Variants in IL13RA1 observed in about 807,000 individuals in gnomAD.
IL13RA1 encodes the protein interleukin-13 receptor subunit alpha-1.
A neutral mutation model predicts 33.8 loss-of-function variants in IL13RA1; 14 were observed. The observed-to-expected ratio is 0.41, with a 90% confidence interval of 0.27 to 0.65. The LOEUF (loss-of-function observed/expected upper bound fraction) is 0.65, where lower values mean the gene tolerates loss of function less well. IL13RA1 is among the 30% of genes least tolerant of loss of function. IL13RA1 has a pLI of 0.28. For synonymous variants in IL13RA1, 116 were observed against 115.7 expected, an observed-to-expected ratio of 1.00 and a Z score of -0.02; for missense variants, 313 against 327.0, an observed-to-expected ratio of 0.96 and a Z score of 0.33.
intron 8 of IL13RA1, among the ~76,000 whole-genome samples, chrX:118,771,238 C>G (rs2017716193): frequency 9.8e-6 from 1 of 101,918 alleles, no homozygotes; most frequent in Non-Finnish European, 2.0e-5. Context: ...GATCAGGCAG[C>G]TGGCAAGTGG....
At chrX:118,770,054 C>G in intron 8 of IL13RA1, 1 of 249,875 alleles carries the variant, frequency 4.0e-6, no homozygotes, top group Non-Finnish European at 7.6e-6. Flanking sequence ...CTGTGTGCCA[C>G]TGCCCATCTG....
the IL13RA1 span, among the ~76,000 whole-genome samples, chrX:118,799,654 C>G: frequency 4.1e-3 from 428 of 103,158 alleles, no homozygotes; most frequent in Middle Eastern, 0.02. Flanking sequence ...CACTCTGTAT[C>G]TAGCTGCTCT....
intron 9 of IL13RA1, among the ~76,000 whole-genome samples, chrX:118,774,274 C>T (rs1306766658): frequency 4.6e-5 from 5 of 108,414 alleles, no homozygotes; most frequent in African/African-American, 1.0e-4. Context: ...CTCAGCCTCC[C>T]GAGTAGCTGC....
At chrX:118,779,294 A>G (rs2017816941) in intron 10 of IL13RA1, among the ~76,000 whole-genome samples, 1 of 111,664 alleles carries the variant, frequency 9.0e-6, no homozygotes. Context: ...TGATCCAACA[A>G]TGGCACAAGA....
rs1603212410 is a variant in IL13RA1 at position 118,753,970 on chromosome X, T to G, written c.489-4085T>G. Among the ~76,000 whole-genome samples the G allele has an allele frequency of 2.7e-5, 3 of 112,781 alleles. No individual in the cohort carries two copies. In the Admixed American group the frequency reaches 2.8e-4, roughly 11 times the overall value. On this transcript the variant is annotated intron_variant, in intron 4 of 10. Coordinates refer to ENST00000371666, the MANE Select transcript of IL13RA1 (RefSeq NM_001560.3). The stretch of plus-strand genomic sequence containing the variant: ...ATTAAAATTGAATCAAATTAAAACT[T>G]CAGTTGCATAGTCTCGCCAACCACT...
intron 6 of IL13RA1, among the ~76,000 whole-genome samples, chrX:118,764,958 T>C (rs770795793): frequency 8.9e-6 from 1 of 112,395 alleles, no homozygotes; most frequent in Non-Finnish European, 1.9e-5. Context: ...CAAATGATTT[T>C]TCACCTATGT....
chrX:118,783,453 C>G (rs111360101), intron 10 of IL13RA1, among the ~76,000 whole-genome samples: 68 of 111,620 alleles, frequency 6.1e-4, no homozygotes, highest in Admixed American at 1.4e-3. Context: ...TAGGAAAGAG[C>G]CATTGCATTT....
chrX:118,771,746 G>A (rs1172428761), intron 8 of IL13RA1, among the ~76,000 whole-genome samples: 1 of 112,009 alleles, frequency 8.9e-6, no homozygotes, highest in African/African-American at 3.2e-5. Flanking sequence ...AGGCTGAGGC[G>A]GGTGGATCAC....
chrX:118,753,478 A>T (rs2147377109), intron 4 of IL13RA1, among the ~76,000 whole-genome samples: 1 of 112,507 alleles, frequency 8.9e-6, no homozygotes, highest in African/African-American at 3.2e-5. Flanking sequence ...CTCAAGATGC[A>T]ATTCCAAGAT....
At chrX:118,778,381 T>C (rs907588817) in intron 10 of IL13RA1, among the ~76,000 whole-genome samples, 4 of 111,204 alleles carry the variant, frequency 3.6e-5, no homozygotes, top group Admixed American at 1.9e-4. Flanking sequence ...AGTCAGGGCA[T>C]GTAGACCCAG....
intron 8 of IL13RA1, among the ~76,000 whole-genome samples, chrX:118,771,492 C>T (rs1023801953): frequency 6.2e-5 from 7 of 112,209 alleles, no homozygotes; most frequent in Admixed American, 4.7e-4. Flanking sequence ...TCTGGAGATT[C>T]CTGTATTCTC....
chrX:118,756,242 G>A (rs2017528940), intron 4 of IL13RA1, among the ~76,000 whole-genome samples: 1 of 110,968 alleles, frequency 9.0e-6, no homozygotes, highest in Non-Finnish European at 1.9e-5. Flanking sequence ...AAACCTTTGT[G>A]CAACTCCCTT....
At chrX:118,743,919 G>A (rs1210261734) in intron 2 of IL13RA1, among the ~76,000 whole-genome samples, 1 of 111,844 alleles carries the variant, frequency 8.9e-6, no homozygotes, top group Non-Finnish European at 1.9e-5. Context: ...GCCGAGGCGG[G>A]CTGATCACCT....
chrX:118,767,649 AACCTGT>A (rs1365087209), intron 8 of IL13RA1, among the ~76,000 whole-genome samples: 3 of 111,889 alleles, frequency 2.7e-5, no homozygotes, highest in Non-Finnish European at 3.8e-5. Flanking sequence ...ATTTAATAGA[AACCTGT>A]ACCTAAGTTT....
intron 8 of IL13RA1, chrX:118,769,997 G>C (rs1418017764): frequency 9.5e-6 from 2 of 210,512 alleles, no homozygotes; most frequent in Non-Finnish European, 1.8e-5. Context: ...CTACACCGGC[G>C]ACCCGGGCAC....
intron 2 of IL13RA1, among the ~76,000 whole-genome samples, chrX:118,745,668 T>C (rs1271440056): frequency 9.0e-6 from 1 of 111,550 alleles, no homozygotes; most frequent in Non-Finnish European, 1.9e-5. Context: ...GGGTAGCAGA[T>C]AGAACTAACT....
intron 1 of IL13RA1, among the ~76,000 whole-genome samples, chrX:118,739,236 A>G (rs1471906800): frequency 8.9e-6 from 1 of 112,187 alleles, no homozygotes; most frequent in Non-Finnish European, 1.9e-5. Flanking sequence ...CAGGGAATGA[A>G]TGTTGAGGGT....
chrX:118,750,675 GT>G (rs903350052), intron 4 of IL13RA1, among the ~76,000 whole-genome samples: 20 of 103,136 alleles, frequency 1.9e-4, no homozygotes, highest in South Asian at 4.1e-4. Context: ...GGCTTATTTA[GT>G]TTTTTTTTTT....
At chrX:118,778,107 T>C (rs2017805943) in intron 10 of IL13RA1, among the ~76,000 whole-genome samples, 2 of 112,283 alleles carry the variant, frequency 1.8e-5, no homozygotes, top group Admixed American at 9.5e-5. Flanking sequence ...CAACAGTTAA[T>C]TGAATGGAAA....
Sources: gnomAD v4.1 joint callset for allele counts (sites outside exome capture counted in the v4.1 genomes callset) on GRCh38, gnomAD v4.1.1 for gene constraint, MANE v1.5 for transcripts, NCBI Gene and HGNC (gene_info 2026-07-23, HGNC 2026-07-21) for gene names.